The following PREX1 variants were observed in gnomAD, a reference collection of about 807,000 sequenced individuals.
PREX1 encodes phosphatidylinositol-3,4,5-trisphosphate dependent Rac exchange factor 1.
In PREX1, 41 loss-of-function variants were observed where a neutral mutation model predicts 198.3. The observed-to-expected ratio is 0.21, with a 90% confidence interval of 0.16 to 0.27. The LOEUF (loss-of-function observed/expected upper bound fraction) is 0.27, where lower values mean the gene tolerates loss of function less well. Ranked by LOEUF, PREX1 falls within the 10% of genes least tolerant of loss-of-function variation. PREX1 has a pLI of 1.00. For synonymous variants in PREX1, 843 were observed against 887.2 expected (o/e 0.95, Z 0.89); for missense variants, 1,620 against 2,200.7 (o/e 0.74, Z 5.28).
intron 1 of PREX1, among the ~76,000 whole-genome samples, chr20:48,761,772 G>A (rs990711850): frequency 4.6e-5 from 7 of 152,076 alleles, no homozygotes; most frequent in African/African-American, 1.7e-4. Flanking sequence ...TACATGATGG[G>A]GCTACCTTAT....
the PREX1 span, among the ~76,000 whole-genome samples, chr20:48,864,020 A>G: frequency 2.0e-5 from 3 of 152,160 alleles, no homozygotes; most frequent in East Asian, 1.9e-4. Context: ...TCATTCAACT[A>G]TTGAAGGATA....
chr20:48,659,167 G>C (rs937676334), intron 16 of PREX1, among the ~76,000 whole-genome samples: 36 of 137,230 alleles, frequency 2.6e-4, no homozygotes, highest in African/African-American at 9.9e-4. Context: ...GGGAGAAAGG[G>C]GAAGGGAGGG....
chr20:48,881,987 T>C, the PREX1 span, among the ~76,000 whole-genome samples: 7 of 149,578 alleles, frequency 4.7e-5, no homozygotes, highest in South Asian at 6.5e-4. Flanking sequence ...ATTCTGTATA[T>C]ATCATACAGA....
intron 4 of PREX1, among the ~76,000 whole-genome samples, chr20:48,731,391 T>A (rs996384458): frequency 1.3e-5 from 2 of 152,220 alleles, no homozygotes; most frequent in Non-Finnish European, 2.9e-5. Context: ...CACATTATCA[T>A]TGAAGTTCCC....
intron 1 of PREX1, among the ~76,000 whole-genome samples, chr20:48,816,964 T>C (rs117526837): frequency 0.041 from 6,285 of 152,302 alleles, 163 homozygotes; most frequent in Non-Finnish European, 0.06. Flanking sequence ...AGATAACTAA[T>C]ACGCCATCTC....
chr20:48,726,265 C>A, intron 5 of PREX1, 25 bp downstream of exon 5: 2 of 1,583,548 alleles, frequency 1.3e-6, no homozygotes, highest in Non-Finnish European at 1.7e-6. Context: ...AGTTTTCTGT[C>A]ACTTCAAATA....
chr20:48,744,685 T>C (rs1434611216), intron 3 of PREX1, among the ~76,000 whole-genome samples: 5 of 152,080 alleles, frequency 3.3e-5, no homozygotes, highest in African/African-American at 1.2e-4. Context: ...GCCAAGTCCA[T>C]CTCTTCTTGG....
the PREX1 span, among the ~76,000 whole-genome samples, chr20:48,855,886 G>A: frequency 2.0e-5 from 3 of 152,344 alleles, no homozygotes; most frequent in East Asian, 5.8e-4. Context: ...GGGCGATAGA[G>A]CGAGAGACTC....
chr20:48,749,648 G>A (rs1461220538), intron 1 of PREX1, among the ~76,000 whole-genome samples: 1 of 152,172 alleles, frequency 6.6e-6, no homozygotes, highest in Non-Finnish European at 1.5e-5. Context: ...CAAGCCTCTT[G>A]GGAGGGGGCG....
chr20:48,875,076 G>A, the PREX1 span, among the ~76,000 whole-genome samples: 2 of 152,128 alleles, frequency 1.3e-5, no homozygotes, highest in Admixed American at 6.5e-5. Flanking sequence ...AAGACTGAGC[G>A]AAAGGAGAAA....
intron 8 of PREX1, chr20:48,692,205 C>A (rs1001201825): frequency 6.5e-6 from 1 of 154,552 alleles, no homozygotes; most frequent in African/African-American, 2.4e-5. Context: ...TATTTTATGA[C>A]CATTTAAGTA....
chr20:48,810,759 C>T (rs1470536214), intron 1 of PREX1, among the ~76,000 whole-genome samples: 1 of 151,728 alleles, frequency 6.6e-6, no homozygotes, highest in African/African-American at 2.4e-5. Context: ...TGGTGGTGCA[C>T]ACCTGTAGTC....
intron 5 of PREX1, among the ~76,000 whole-genome samples, chr20:48,725,627 A>G (rs1470244907): frequency 6.6e-6 from 1 of 152,226 alleles, no homozygotes; most frequent in Non-Finnish European, 1.5e-5. Flanking sequence ...GTCCTCACTC[A>G]TGGCCTGTGG....
At chr20:48,748,106 C>T (rs911484177) in intron 1 of PREX1, among the ~76,000 whole-genome samples, 2 of 152,044 alleles carry the variant, frequency 1.3e-5, no homozygotes, top group Non-Finnish European at 2.9e-5. Context: ...GCACCTACGA[C>T]GCCAGGCCCT....
the PREX1 span, among the ~76,000 whole-genome samples, chr20:48,835,982 G>A: frequency 6.6e-6 from 1 of 152,214 alleles, no homozygotes; most frequent in Non-Finnish European, 1.5e-5. Flanking sequence ...GATGGAGCCA[G>A]CAGGATTTGC....
At chr20:48,687,553 T>G (rs1290018398) in intron 10 of PREX1, among the ~76,000 whole-genome samples, 1 of 152,228 alleles carries the variant, frequency 6.6e-6, no homozygotes, top group East Asian at 1.9e-4. Flanking sequence ...TGGCAGCTTT[T>G]ACCCTAGGCC....
At chr20:48,671,715 T>A (rs1278808767) in intron 14 of PREX1, among the ~76,000 whole-genome samples, 1 of 152,164 alleles carries the variant, frequency 6.6e-6, no homozygotes, top group African/African-American at 2.4e-5. Context: ...CGAGGTCACA[T>A]CCTTGTCACA....
the PREX1 span, among the ~76,000 whole-genome samples, chr20:48,884,408 A>G: frequency 5.8e-3 from 884 of 152,352 alleles, 6 homozygotes; most frequent in Non-Finnish European, 1.0e-2. Flanking sequence ...ACTTATTACA[A>G]TGGAACCAAA....
chr20:48,679,546 G>C, intron 12 of PREX1, 105 bp downstream of exon 12: 1 of 1,389,884 alleles, frequency 7.2e-7, no homozygotes, highest in Non-Finnish European at 1.0e-6. Context: ...GTGGGCAGTG[G>C]AGAAGGCAAA....
Sources: allele counts gnomAD v4.1 joint callset (sites outside exome capture counted in the v4.1 genomes callset), GRCh38; gene constraint gnomAD v4.1.1; transcripts MANE v1.5; gene names NCBI Gene and HGNC (gene_info 2026-07-23, HGNC 2026-07-21).